The following CUL1 variants were observed in gnomAD, a reference collection of about 807,000 sequenced individuals.
The protein encoded by CUL1 is cullin-1.
Under a neutral mutation model 118.0 loss-of-function variants are expected in CUL1, and 24 were observed. That is an observed-to-expected ratio of 0.20 (90% CI 0.15 to 0.29). The LOEUF (loss-of-function observed/expected upper bound fraction) is 0.29. Among genes scored for constraint, CUL1 ranks in the 10% least tolerant of loss-of-function variants. The pLI, the probability that CUL1 is intolerant of heterozygous loss-of-function variation, is 1.00. For synonymous variants in CUL1, 332 were observed against 340.4 expected, an observed-to-expected ratio of 0.98 and a Z score of 0.27; for missense variants, 361 against 933.8, an observed-to-expected ratio of 0.39 and a Z score of 7.99.
chr7:148,791,849 G>A (rs1211522970), intron 16 of CUL1, among the ~76,000 whole-genome samples: 1 of 152,230 alleles, frequency 6.6e-6, no homozygotes, highest in Admixed American at 6.5e-5. Flanking sequence ...TCATTCGCTT[G>A]CACACACTCA....
At position 148,730,039 on chromosome 7, in the gene CUL1, T is replaced by C. The variant is rs1798705182; in HGVS notation, c.-84T>C. On this transcript the variant is annotated 5_prime_UTR_variant, in exon 2 of 22. Coordinates refer to ENST00000325222, the MANE Select transcript of CUL1 (RefSeq NM_003592.3). ...GCTGCTGTGAATAAATTTGGAATGG[T>C]ACTGTATATTTTCATCTAATGGAGA... The C allele has an allele frequency of 5.5e-6, 8 of 1,454,842 alleles. No homozygotes were observed. The highest frequency in any genetic ancestry group is 7.5e-6 in the Non-Finnish European group (8 of 1,070,274). 90.1% of individuals were successfully genotyped at this position (1,454,842 alleles called of 1,614,324 possible). A position where few individuals can be genotyped will look rare whatever the true frequency, so the allele number is the denominator to read the frequency against.
intron 9 of CUL1, among the ~76,000 whole-genome samples, chr7:148,783,090 C>G (rs1478218284): frequency 1.3e-5 from 2 of 152,230 alleles, no homozygotes; most frequent in Non-Finnish European, 2.9e-5. Flanking sequence ...AGCAGCAGCG[C>G]TGTTTTTCTC....
At chr7:148,771,624 A>T (rs1374283895) in intron 9 of CUL1, among the ~76,000 whole-genome samples, 2 of 152,334 alleles carry the variant, frequency 1.3e-5, no homozygotes, top group South Asian at 2.1e-4. Flanking sequence ...TTTGTGCTCA[A>T]CTGATATGTG....
At chr7:148,736,487 G>A (rs1338039310) in intron 2 of CUL1, among the ~76,000 whole-genome samples, 1 of 151,886 alleles carries the variant, frequency 6.6e-6, no homozygotes, top group African/African-American at 2.4e-5. Context: ...ATTTTTTGCA[G>A]ACATGGAGTC....
At chr7:148,719,768 C>T (rs566693167) in intron 1 of CUL1, among the ~76,000 whole-genome samples, 8 of 152,324 alleles carry the variant, frequency 5.3e-5, no homozygotes, top group East Asian at 1.9e-4. Context: ...CTGAACTATT[C>T]GTTGGCAGCA....
At chr7:148,705,964 C>A (rs187636904) in intron 1 of CUL1, among the ~76,000 whole-genome samples, 3 of 152,122 alleles carry the variant, frequency 2.0e-5, no homozygotes, top group Admixed American at 2.0e-4. Context: ...ATTTGAAAAT[C>A]CTAAATCCTC....
chr7:148,769,286 C>A (rs529664486), intron 9 of CUL1, among the ~76,000 whole-genome samples: 3 of 152,138 alleles, frequency 2.0e-5, no homozygotes, highest in South Asian at 4.2e-4. Flanking sequence ...ATGACTGCTG[C>A]ACGTTCTTAT....
At chr7:148,743,814 C>T (rs1188079588) in intron 2 of CUL1, among the ~76,000 whole-genome samples, 1 of 152,060 alleles carries the variant, frequency 6.6e-6, no homozygotes, top group African/African-American at 2.4e-5. Flanking sequence ...TGTAGTTACT[C>T]TGGAGGCTGA....
chr7:148,699,686 T>G (rs1797654117), intron 1 of CUL1, among the ~76,000 whole-genome samples: 1 of 151,726 alleles, frequency 6.6e-6, no homozygotes, highest in Admixed American at 6.6e-5. Context: ...TTTGCCCCGT[T>G]CTCCTGGGAG....
intron 9 of CUL1, among the ~76,000 whole-genome samples, chr7:148,782,846 GC>G (rs11338873): frequency 0.64 from 97,361 of 151,964 alleles, 31,368 homozygotes; most frequent in African/African-American, 0.7. Flanking sequence ...TGGGCGTGCC[GC>G]GGCGCCTGGA....
chr7:148,783,643 T>C, intron 9 of CUL1, 140 bp from the exon 10 acceptor site: 1 of 1,544,588 alleles, frequency 6.5e-7, no homozygotes, highest in Non-Finnish European at 8.7e-7. Flanking sequence ...CAAAAGTATT[T>C]CTTGCTCTTA....
At chr7:148,717,490 C>T (rs1798251390) in intron 1 of CUL1, among the ~76,000 whole-genome samples, 1 of 152,006 alleles carries the variant, frequency 6.6e-6, no homozygotes, top group Admixed American at 6.6e-5. Flanking sequence ...TGACCAGTTA[C>T]CACGATAACT....
intron 2 of CUL1, among the ~76,000 whole-genome samples, chr7:148,735,313 G>A (rs919403462): frequency 6.6e-6 from 1 of 152,228 alleles, no homozygotes; most frequent in African/African-American, 2.4e-5. Flanking sequence ...ACCGTGCCAG[G>A]ACACGCTGGT....
chr7:148,741,457 T>C (rs1013714335), intron 2 of CUL1, among the ~76,000 whole-genome samples: 7 of 151,526 alleles, frequency 4.6e-5, no homozygotes, highest in Non-Finnish European at 1.0e-4. Context: ...ACTTACTTAT[T>C]TTGAGACAGA....
At chr7:148,740,102 G>T (rs1473584732) in intron 2 of CUL1, among the ~76,000 whole-genome samples, 1 of 151,670 alleles carries the variant, frequency 6.6e-6, no homozygotes, top group African/African-American at 2.4e-5. Flanking sequence ...GCCCAGGCCG[G>T]AGTGCAATGG....
At position 148,760,246 on chromosome 7, in the gene CUL1, T is replaced by G. The variant is rs1474398622; in HGVS notation, c.626-87T>G. 3 of 1,143,550 alleles carry G rather than the reference T, an allele frequency of 2.6e-6. No individual in the cohort carries two copies. In the African/African-American group the frequency reaches 4.7e-5, roughly 18 times the overall value. 70.8% of individuals were successfully genotyped at this position (1,143,550 alleles called of 1,614,324 possible). A position where few individuals can be genotyped will look rare whatever the true frequency, so the allele number is the denominator to read the frequency against. ...TTCACATTTACCTTTTAAACATAAC[T>G]TAAACTGAATGCTACACCTAAGTAT... On this transcript the variant is annotated intron_variant, in intron 6 of 21. Coordinates refer to ENST00000325222, the MANE Select transcript of CUL1 (RefSeq NM_003592.3).
At chr7:148,730,853 C>T (rs1029745744) in intron 2 of CUL1, among the ~76,000 whole-genome samples, 5 of 152,108 alleles carry the variant, frequency 3.3e-5, no homozygotes, top group African/African-American at 1.2e-4. Context: ...GCTCTGTCAC[C>T]CAGGCTGGAG....
At chr7:148,725,221 T>TGCACACACACACACACA (rs1798535217) in intron 1 of CUL1, among the ~76,000 whole-genome samples, 1 of 145,388 alleles carries the variant, frequency 6.9e-6, no homozygotes, top group Non-Finnish European at 1.5e-5. Context: ...ACGCGCGCGC[T>TGCACACACACACACACA]CACACACACA....
chr7:148,789,262 T>C (rs1028562972), intron 14 of CUL1, among the ~76,000 whole-genome samples: 2 of 152,268 alleles, frequency 1.3e-5, no homozygotes, highest in Admixed American at 6.5e-5. Flanking sequence ...AGTGGGCTTT[T>C]TAACTATCTG....
Sources: gnomAD v4.1 joint callset for allele counts (sites outside exome capture counted in the v4.1 genomes callset) on GRCh38, gnomAD v4.1.1 for gene constraint, MANE v1.5 for transcripts, NCBI Gene and HGNC (gene_info 2026-07-23, HGNC 2026-07-21) for gene names.